Variants in KCNN1 observed in about 807,000 individuals in gnomAD.
The protein encoded by KCNN1 is small conductance calcium-activated potassium channel protein 1.
In KCNN1, 20 loss-of-function variants were observed where a neutral mutation model predicts 44.7. The observed-to-expected ratio is 0.45, with a 90% CI of 0.32 to 0.65. KCNN1 has a LOEUF of 0.65. Ranked by LOEUF, KCNN1 falls within the 30% of genes least tolerant of loss-of-function variation. The pLI is 0.05. For synonymous variants in KCNN1, 324 were observed against 341.7 expected, an observed-to-expected ratio of 0.95 and a Z score of 0.57; for missense variants, 632 against 785.3, an observed-to-expected ratio of 0.80 and a Z score of 2.33.
intron 1 of KCNN1, among the ~76,000 whole-genome samples, chr19:17,969,267 C>G (rs2031927810): frequency 6.6e-6 from 1 of 152,196 alleles, no homozygotes; most frequent in Non-Finnish European, 1.5e-5. Flanking sequence ...ACCCTGCCAC[C>G]TGCCACGCCT....
At position 17,988,447 on chromosome 19, in the gene KCNN1, G is replaced by A; in HGVS notation, c.1092G>A (p.Val364=). Residue 364 remains valine (V), a synonymous_variant, in exon 6 of 10, where the codon GTG becomes GTA. Transcript: ENST00000684775. ...GAGCTALVVA[V]VARKLELTKA... ...GCTGTACCGCGCTCGTGGTGGCTGTGGTGGCTCGGAAGCTGGAGCTCACCA... is the reference window on the plus strand; with the variant it reads ...GCTGTACCGCGCTCGTGGTGGCTGTAGTGGCTCGGAAGCTGGAGCTCACCA... The A allele has an allele frequency of 6.2e-7, 1 of 1,613,284 alleles. No homozygotes were observed. The highest frequency in any genetic ancestry group is 8.5e-7 in the Non-Finnish European group (1 of 1,179,832).
chr19:17,958,772 A>G (rs2031606814), intron 2 of KCNN1, among the ~76,000 whole-genome samples: 1 of 151,142 alleles, frequency 6.6e-6, no homozygotes, highest in African/African-American at 2.4e-5. Flanking sequence ...ATCTCGGCTC[A>G]CTGCAAGTTC....
intron 3 of KCNN1, 71 bp from the exon 4 acceptor site, chr19:17,981,638 C>T: frequency 2.9e-6 from 4 of 1,373,360 alleles, no homozygotes; most frequent in African/African-American, 1.5e-5. Flanking sequence ...TCTCTGGGGG[C>T]GCGGTGGGGC....
chr19:17,967,655 G>A (rs1010096658), intron 1 of KCNN1, among the ~76,000 whole-genome samples: 1 of 151,968 alleles, frequency 6.6e-6, no homozygotes, highest in African/African-American at 2.4e-5. Flanking sequence ...AATGACTTGG[G>A]AATGGGAGGG....
upstream of KCNN1, among the ~76,000 whole-genome samples, chr19:17,963,025 A>T (rs1382683688): frequency 3.0e-4 from 13 of 43,038 alleles, no homozygotes; most frequent in East Asian, 1.5e-3. Flanking sequence ...TTTTTTTTTG[A>T]GACGGAGTCT....
rs567880259 is a variant in KCNN1 at position 17,978,774 on chromosome 19, G to A, written c.499-2935G>A. Among the ~76,000 whole-genome samples the A allele has an allele frequency of 1.8e-3, 274 of 151,052 alleles. 2 individuals are homozygous for A. Among genetic ancestry groups the A allele is most frequent in the Non-Finnish European group, 3.4e-3 (233 of 67,752 alleles). On this transcript the variant is annotated intron_variant, in intron 3 of 9. Transcript: ENST00000684775. Reference sequence around the variant, plus strand: ...GCTTTTTTTTTTAACTGTAATTCAGGCTGGACACAGTGACTCACGCCTGTA... The same window carrying A: ...GCTTTTTTTTTTAACTGTAATTCAGACTGGACACAGTGACTCACGCCTGTA...
At chr19:17,961,055 G>T (rs2031663626) in intron 2 of KCNN1, among the ~76,000 whole-genome samples, 1 of 151,780 alleles carries the variant, frequency 6.6e-6, no homozygotes, top group Non-Finnish European at 1.5e-5. Context: ...CTGTGGTGGT[G>T]CGCGTCTGTA....
intron 6 of KCNN1, among the ~76,000 whole-genome samples, chr19:17,989,148 C>T (rs779290904): frequency 2.6e-5 from 4 of 152,138 alleles, no homozygotes; most frequent in African/African-American, 7.2e-5. Flanking sequence ...AAACACATGC[C>T]GATTCACTGA....
chr19:17,959,137 G>A (rs909223958), intron 2 of KCNN1, among the ~76,000 whole-genome samples: 11 of 150,764 alleles, frequency 7.3e-5, no homozygotes, highest in African/African-American at 2.7e-4. Context: ...CCTGCCTCCT[G>A]CGTCAGCCTC....
intron 1 of KCNN1, among the ~76,000 whole-genome samples, chr19:17,970,411 G>A (rs1286283911): frequency 3.0e-5 from 4 of 134,156 alleles, no homozygotes; most frequent in Admixed American, 1.8e-4. Flanking sequence ...TCCACTTCCC[G>A]GGTTCAAGTG....
At chr19:17,962,321 C>T (rs982021975), upstream of KCNN1, among the ~76,000 whole-genome samples, 4 of 152,162 alleles carry the variant, frequency 2.6e-5, no homozygotes, top group African/African-American at 9.7e-5. Context: ...GGGCTGAGAA[C>T]ACAGCAGGCA....
At chr19:17,978,178 G>A (rs1053123685) in intron 3 of KCNN1, among the ~76,000 whole-genome samples, 3 of 148,838 alleles carry the variant, frequency 2.0e-5, no homozygotes, top group Non-Finnish European at 4.4e-5. Context: ...CCAGGCTGGA[G>A]TACAGTGGTG....
chr19:17,960,392 G>A (rs2031649323), intron 2 of KCNN1, among the ~76,000 whole-genome samples: 1 of 152,122 alleles, frequency 6.6e-6, no homozygotes, highest in African/African-American at 2.4e-5. Context: ...CACTTTGGGA[G>A]GCCGAGGCGG....
chr19:17,953,610 A>T (rs1467019333), intron 1 of KCNN1, among the ~76,000 whole-genome samples: 5 of 152,226 alleles, frequency 3.3e-5, no homozygotes, highest in Non-Finnish European at 5.9e-5. Flanking sequence ...CAAGGGAGCT[A>T]CAGGCTCCCA....
chr19:17,961,835 C>T (rs1423522323), intron 2 of KCNN1, among the ~76,000 whole-genome samples: 2 of 152,104 alleles, frequency 1.3e-5, no homozygotes, highest in Non-Finnish European at 2.9e-5. Context: ...GTGATCCACC[C>T]GCCTCGGCCT....
chr19:17,994,791 C>G (rs559869987), intron 9 of KCNN1, among the ~76,000 whole-genome samples: 1 of 152,146 alleles, frequency 6.6e-6, no homozygotes, highest in Non-Finnish European at 1.5e-5. Flanking sequence ...TGATCCACCC[C>G]CCTCAGCCTC....
At chr19:17,982,474 C>T in intron 4 of KCNN1, 2 of 838,438 alleles carry the variant, frequency 2.4e-6, no homozygotes, top group Non-Finnish European at 2.9e-6. Flanking sequence ...GCGCAGGCAG[C>T]AGGCACAGGG....
At chr19:17,960,242 A>G (rs1207955320) in intron 2 of KCNN1, among the ~76,000 whole-genome samples, 2 of 152,222 alleles carry the variant, frequency 1.3e-5, no homozygotes, top group East Asian at 3.8e-4. Flanking sequence ...TGCAGAGGAA[A>G]TGGAGGCCTA....
In KCNN1 at chr19:17,995,246, C is replaced by T. The variant is rs1485194666; in HGVS notation, c.1377+1687C>T. On this transcript the variant is annotated intron_variant, in intron 9 of 9. Coordinates refer to ENST00000684775, the MANE Select transcript of KCNN1 (RefSeq NM_001386974.1). Reference sequence around the variant, plus strand: ...GGAGTGCAGTGGCAAAATCATGGCTCACCGCAGCCTCAACCTCCCCAGGCT... The same window carrying T: ...GGAGTGCAGTGGCAAAATCATGGCTTACCGCAGCCTCAACCTCCCCAGGCT... Among the ~76,000 whole-genome samples the T allele has an allele frequency of 2.0e-5, 3 of 151,414 alleles. 1 individual carries two copies. The East Asian group carries it at 5.8e-4, about 29-fold the overall frequency.
Sources: allele counts gnomAD v4.1 joint callset (sites outside exome capture counted in the v4.1 genomes callset), GRCh38; gene constraint gnomAD v4.1.1; transcripts MANE v1.5; gene names NCBI Gene and HGNC (gene_info 2026-07-23, HGNC 2026-07-21).